The following LIAT1 variants were observed in gnomAD, a reference collection of about 807,000 sequenced individuals.
LIAT1 encodes ligand of ATE1, also known as protein LIAT1.
At chr17:412,605 A>G in the LIAT1 span, among the ~76,000 whole-genome samples, 160 of 152,326 alleles carry the variant, frequency 1.1e-3, no homozygotes, top group African/African-American at 3.7e-3. Context: ...GCCATACAGC[A>G]GAAGTATTTC....
chr17:413,191 C>G, the LIAT1 span: 1 of 1,614,200 alleles, frequency 6.2e-7, no homozygotes, highest in Non-Finnish European at 8.5e-7. Context: ...CGCTTTCTTC[C>G]TCCTTTCATG....
chr17:413,579 C>T, the LIAT1 span: 4 of 1,520,942 alleles, frequency 2.6e-6, no homozygotes, highest in Admixed American at 5.4e-5. Flanking sequence ...CAAGGGCATC[C>T]ACCCCGACCC....
the LIAT1 span, chr17:413,296 C>G: frequency 6.2e-7 from 1 of 1,614,134 alleles, no homozygotes; most frequent in African/African-American, 1.3e-5. Flanking sequence ...CCTCCACCGT[C>G]AGCCTCCCCG....
At chr17:414,094 A>G in the LIAT1 span, 2 of 1,613,920 alleles carry the variant, frequency 1.2e-6, no homozygotes, top group Non-Finnish European at 1.7e-6. This position sits in a 1 kb window ranked among gnomAD's most constrained non-coding sequence, Gnocchi z 4.1. Context: ...ACTCTGACTT[A>G]GCTCCTACTC....
At chr17:411,202 G>A in the LIAT1 span, among the ~76,000 whole-genome samples, 1 of 152,114 alleles carries the variant, frequency 6.6e-6, no homozygotes, top group Non-Finnish European at 1.5e-5. Flanking sequence ...CCCACCAAGG[G>A]GCAGCCTTGG....
At chr17:410,424 C>CGGGTT in the LIAT1 span, 1 of 1,535,030 alleles carries the variant, frequency 6.5e-7, no homozygotes, top group Non-Finnish European at 8.7e-7. Flanking sequence ...GCCCCCGGGG[C>CGGGTT]GGGTTGGGTT....
chr17:413,852 C>A, the LIAT1 span: 5 of 1,480,752 alleles, frequency 3.4e-6, no homozygotes, highest in Admixed American at 4.0e-5. Context: ...GGGCTTCCAC[C>A]CCGACCCCGA....
the LIAT1 span, among the ~76,000 whole-genome samples, chr17:412,000 G>A: frequency 1.3e-4 from 20 of 152,338 alleles, no homozygotes; most frequent in African/African-American, 4.1e-4. Flanking sequence ...AGTGTGGGAA[G>A]GGAGCAATGG....
the LIAT1 span, chr17:410,576 C>A: frequency 1.9e-6 from 3 of 1,546,534 alleles, no homozygotes; most frequent in Non-Finnish European, 2.6e-6. Context: ...GCGGCGCCTC[C>A]GAGCTGGCCA....
At chr17:413,160 G>A in the LIAT1 span, 4 of 1,614,052 alleles carry the variant, frequency 2.5e-6, no homozygotes, top group South Asian at 1.1e-5. Context: ...AAACATCAGA[G>A]TCAGAGCCTG....
the LIAT1 span, chr17:414,044 A>T: frequency 6.2e-7 from 1 of 1,614,192 alleles, no homozygotes; most frequent in South Asian, 1.1e-5. This position sits in a 1 kb window ranked among gnomAD's most constrained non-coding sequence, Gnocchi z 4.1. Flanking sequence ...CGAGTGCCCC[A>T]ATCTCTGTTT....
chr17:412,511 G>A, the LIAT1 span, among the ~76,000 whole-genome samples: 1 of 151,990 alleles, frequency 6.6e-6, no homozygotes, highest in Admixed American at 6.6e-5. Context: ...ACGAGCTGAT[G>A]AAAGAACCAC....
the LIAT1 span, chr17:410,361 G>A: frequency 4.7e-6 from 7 of 1,504,542 alleles, no homozygotes; most frequent in Non-Finnish European, 5.3e-6. Context: ...GCGTGGCCCT[G>A]GCCTGGCGGT....
the LIAT1 span, chr17:410,369 G>T: frequency 1.4e-5 from 21 of 1,509,684 alleles, no homozygotes; most frequent in Non-Finnish European, 1.5e-5. Context: ...CTGGCCTGGC[G>T]GTCCGCGCTG....
the LIAT1 span, chr17:414,563 A>T: frequency 2.4e-5 from 4 of 164,818 alleles, no homozygotes; most frequent in East Asian, 7.3e-4. The surrounding 1 kb of genome is among the most constrained non-coding windows in gnomAD (Gnocchi z 4.1). Context: ...GCCTGCCTTT[A>T]TATGGCCTCA....
At chr17:411,493 C>G in the LIAT1 span, among the ~76,000 whole-genome samples, 1 of 152,142 alleles carries the variant, frequency 6.6e-6, no homozygotes. Context: ...ATGATCGCAC[C>G]ATTGCACTCC....
chr17:412,377 C>T, the LIAT1 span, among the ~76,000 whole-genome samples: 1 of 152,066 alleles, frequency 6.6e-6, no homozygotes, highest in Non-Finnish European at 1.5e-5. Context: ...TAGCTTTTCA[C>T]TGTAGAAATT....
chr17:413,104 G>A, the LIAT1 span: 1 of 1,596,850 alleles, frequency 6.3e-7, no homozygotes, highest in African/African-American at 1.3e-5. Flanking sequence ...GCAGGCCAAG[G>A]TCAGACATTG....
At chr17:414,015 G>A in the LIAT1 span, 6 of 1,614,132 alleles carry the variant, frequency 3.7e-6, no homozygotes, top group South Asian at 5.5e-5. This position sits in a 1 kb window ranked among gnomAD's most constrained non-coding sequence, Gnocchi z 4.1. Context: ...TCCAGCCACA[G>A]GCAGCCCACG....
Sources: gnomAD v4.1 joint callset for allele counts (sites outside exome capture counted in the v4.1 genomes callset) on GRCh38, gnomAD v4.1.1 for gene constraint, Gnocchi (gnomAD v3.1) non-coding constraint, MANE v1.5 for transcripts, NCBI Gene and HGNC (gene_info 2026-07-23, HGNC 2026-07-21) for gene names.